Variants in C1orf87 observed in about 807,000 individuals in gnomAD.
C1orf87 encodes uncharacterized protein C1orf87.
Under a neutral mutation model 60.5 loss-of-function variants are expected in C1orf87, and 58 were observed. The ratio of observed to expected loss-of-function variants is 0.96; its 90% CI spans 0.78 to 1.19. The LOEUF is 1.19. Ranked by LOEUF, C1orf87 falls within the 50% of genes most tolerant of loss-of-function variation. C1orf87 has a pLI of 0.00. For synonymous variants in C1orf87, 236 were observed against 227.4 expected (o/e 1.04, Z -0.34); for missense variants, 673 against 638.6 (o/e 1.05, Z -0.58).
chr1:59,994,648 A>C (rs1418321955), intron 11 of C1orf87, among the ~76,000 whole-genome samples: 1 of 152,094 alleles, frequency 6.6e-6, no homozygotes, highest in Admixed American at 6.5e-5. Context: ...TTTAGAAAAC[A>C]TGACTAGTTA....
At chr1:60,041,367 G>C (rs1277612086) in intron 3 of C1orf87, among the ~76,000 whole-genome samples, 4 of 152,090 alleles carry the variant, frequency 2.6e-5, no homozygotes, top group Non-Finnish European at 4.4e-5. Context: ...TTCACACTTA[G>C]GTATGTCTCA....
intron 8 of C1orf87, among the ~76,000 whole-genome samples, chr1:60,016,507 C>T (rs1027133173): frequency 7.2e-5 from 11 of 152,282 alleles, no homozygotes; most frequent in Non-Finnish European, 1.3e-4. Context: ...AAGTACAGCC[C>T]TTCCCTGATA....
In C1orf87 at chr1:60,040,097, A is replaced by G. The variant is rs1645310097; in HGVS notation, c.567T>C (p.Pro189=). 1 of 1,614,234 alleles carries G rather than the reference A, an allele frequency of 6.2e-7. No homozygotes were observed. The change falls in exon 5 of 12, where the codon CCT becomes CCC. Residue 189 remains proline (P), a synonymous_variant. Transcript: ENST00000371201. ...GCTTTTCTAATAAGTTGGAACTCAA[A>G]GGACGTGACTTGAGTTCTCTTCTGA... is the stretch of plus-strand genomic sequence containing the variant. ...ALVRRELKSR[P]LSSNLLEKLQ...
At chr1:60,039,271 GCT>G (rs1230588870) in intron 5 of C1orf87, among the ~76,000 whole-genome samples, 1 of 152,044 alleles carries the variant, frequency 6.6e-6, no homozygotes, top group African/African-American at 2.4e-5. Flanking sequence ...TATTCTTATT[GCT>G]ATTATTTCTT....
At chr1:60,072,997 T>C (rs1278135896) in intron 1 of C1orf87, among the ~76,000 whole-genome samples, 3 of 152,204 alleles carry the variant, frequency 2.0e-5, no homozygotes, top group Admixed American at 1.3e-4. Context: ...CTTCCTGTAC[T>C]ACAAGACATA....
chr1:60,003,401 G>A (rs1360816435), intron 9 of C1orf87, among the ~76,000 whole-genome samples: 1 of 152,032 alleles, frequency 6.6e-6, no homozygotes, highest in Non-Finnish European at 1.5e-5. Context: ...CAGCGCACCA[G>A]CATGGCTCAT....
At position 60,038,064 on chromosome 1, in the gene C1orf87, G is replaced by T. The variant is rs777542735; in HGVS notation, c.791C>A (p.Ser264Ter). 12 of 1,597,216 alleles carry T rather than the reference G, an allele frequency of 7.5e-6. No homozygotes were observed. The highest frequency in any genetic ancestry group is 1.0e-5 in the Non-Finnish European group (12 of 1,167,354). Residue 264 changes from serine to a stop codon, truncating the protein, a stop_gained, in exon 6 of 12, where the codon TCA becomes TAA. Transcript: ENST00000371201. LOFTEE classifies it high-confidence loss of function. ...TGCTTTATTTTGCTGTGGATAATCT[G>T]ATGCTGCACTGTTTAAAAACCAGAG... ...KLLWFLNSAASDYPQQNKAAA... is the reference protein window; with the variant it reads ...KLLWFLNSAA
intron 8 of C1orf87, among the ~76,000 whole-genome samples, chr1:60,022,109 A>ATTTTT (rs60437294): frequency 7.2e-6 from 1 of 138,170 alleles, no homozygotes; most frequent in African/African-American, 2.7e-5. Context: ...GAGGACTTTG[A>ATTTTT]TTTTTTTTTT....
At chr1:59,999,825 A>C (rs747389957) in intron 10 of C1orf87, among the ~76,000 whole-genome samples, 2 of 152,066 alleles carry the variant, frequency 1.3e-5, no homozygotes, top group Non-Finnish European at 1.5e-5. Context: ...TTTTGCCTTT[A>C]TAATGTTGTT....
At chr1:59,996,132 T>C (rs980517384) in intron 11 of C1orf87, among the ~76,000 whole-genome samples, 2 of 152,186 alleles carry the variant, frequency 1.3e-5, no homozygotes, top group Non-Finnish European at 1.5e-5. Flanking sequence ...TTCCTCGTGG[T>C]CTAGAATTAA....
At position 60,040,195 on chromosome 1, in the gene C1orf87, A is replaced by G; in HGVS notation, c.484-15T>C. On this transcript the variant is annotated splice_polypyrimidine_tract_variant and intron_variant, in intron 4 of 11. Transcript: ENST00000371201. ...TGGCCAATATCCTAACACAACAATG[A>G]AAAACAAAGAGCAAGACTCTTCAAT... is the stretch of plus-strand genomic sequence containing the variant. 6.2e-7 allele frequency: 1 copy of G among 1,603,574 alleles called. No individual in the cohort carries two copies. The highest frequency in any genetic ancestry group is 8.5e-7 in the Non-Finnish European group (1 of 1,176,546).
chr1:60,010,334 C>G, intron 9 of C1orf87, 58 bp downstream of exon 9: 1 of 1,459,010 alleles, frequency 6.9e-7, no homozygotes, highest in East Asian at 2.3e-5. Flanking sequence ...GCAGCATAGT[C>G]AACAATAGCT....
intron 3 of C1orf87, among the ~76,000 whole-genome samples, chr1:60,045,921 T>A (rs1645363872): frequency 6.6e-6 from 1 of 152,250 alleles, no homozygotes; most frequent in Non-Finnish European, 1.5e-5. Flanking sequence ...TTCCTTATTA[T>A]TAACAGTAAT....
chr1:59,999,885 T>A (rs190165451), intron 10 of C1orf87, among the ~76,000 whole-genome samples: 98 of 152,290 alleles, frequency 6.4e-4, no homozygotes, highest in African/African-American at 2.3e-3. Context: ...ATTGTTTGGG[T>A]TCTTACTCAT....
chr1:60,013,918 C>T (rs565888938), intron 8 of C1orf87, among the ~76,000 whole-genome samples: 17 of 152,194 alleles, frequency 1.1e-4, no homozygotes, highest in African/African-American at 4.1e-4. Context: ...TCACATACCC[C>T]ATATTGGTAT....
chr1:60,050,409 A>G (rs1468148000), intron 3 of C1orf87, among the ~76,000 whole-genome samples: 1 of 151,568 alleles, frequency 6.6e-6, no homozygotes, highest in Non-Finnish European at 1.5e-5. Flanking sequence ...TTTATTTGCT[A>G]TAGTAAATGG....
chr1:60,054,759 T>A (rs1434549121), intron 3 of C1orf87, among the ~76,000 whole-genome samples: 1 of 152,254 alleles, frequency 6.6e-6, no homozygotes, highest in Non-Finnish European at 1.5e-5. Context: ...CAGTGGTATA[T>A]ATTTCTATCA....
intron 9 of C1orf87, among the ~76,000 whole-genome samples, chr1:60,009,701 T>A (rs908302054): frequency 6.6e-6 from 1 of 151,964 alleles, no homozygotes; most frequent in Non-Finnish European, 1.5e-5. Context: ...CAGTAAATGG[T>A]TGATGGATAT....
chr1:60,035,335 G>A (rs1387748803), intron 6 of C1orf87, among the ~76,000 whole-genome samples: 1 of 152,214 alleles, frequency 6.6e-6, no homozygotes, highest in East Asian at 1.9e-4. Context: ...TACTGGATGG[G>A]CAGGTGTTGT....
Sources: allele counts gnomAD v4.1 joint callset (sites outside exome capture counted in the v4.1 genomes callset), GRCh38; gene constraint gnomAD v4.1.1; transcripts MANE v1.5; gene names NCBI Gene and HGNC (gene_info 2026-07-23, HGNC 2026-07-21).